DLC1: variants seen among roughly 807,000 people sequenced by gnomAD.
The protein encoded by DLC1 is rho GTPase-activating protein 7.
Under a neutral mutation model 140.3 loss-of-function variants are expected in DLC1, and 54 were observed. That is an observed-to-expected ratio of 0.38 (90% CI 0.31 to 0.48). The LOEUF is 0.48. Ranked by LOEUF, DLC1 falls within the 20% of genes least tolerant of loss-of-function variation. The pLI, the probability that DLC1 is intolerant of heterozygous loss-of-function variation, is 0.96. For missense variants in DLC1, 2,536 were observed against 1,907.0 expected, an observed-to-expected ratio of 1.33 and a Z score of -6.14; for synonymous variants, 986 against 728.1, an observed-to-expected ratio of 1.35 and a Z score of -5.70.
intron 2 of DLC1, among the ~76,000 whole-genome samples, chr8:13,443,675 AG>A (rs1585117367): frequency 6.6e-6 from 1 of 150,512 alleles, no homozygotes; most frequent in Non-Finnish European, 1.5e-5. Flanking sequence ...AAAAAAAAAA[AG>A]AAAAAGAAAA....
intron 4 of DLC1, among the ~76,000 whole-genome samples, chr8:13,330,970 A>T (rs1833562146): frequency 6.6e-6 from 1 of 152,050 alleles, no homozygotes; most frequent in South Asian, 2.1e-4. Context: ...CATGAAGAGG[A>T]AAAAAAATAA....
At chr8:13,301,412 G>C (rs1441394397) in intron 5 of DLC1, among the ~76,000 whole-genome samples, 4 of 152,312 alleles carry the variant, frequency 2.6e-5, no homozygotes, top group African/African-American at 9.6e-5. Flanking sequence ...AAGGACATCA[G>C]TGATGCAGCG....
chr8:13,471,416 A>ACAC (rs1563376366), intron 2 of DLC1, among the ~76,000 whole-genome samples: 1 of 151,544 alleles, frequency 6.6e-6, no homozygotes, highest in Non-Finnish European at 1.5e-5. Context: ...ACACTGTCAT[A>ACAC]CACCCTTGGT....
chr8:13,372,821 A>G (rs7815554), intron 4 of DLC1, among the ~76,000 whole-genome samples: 21,728 of 152,120 alleles, frequency 0.14, 1,695 homozygotes, highest in Non-Finnish European at 0.17. Context: ...ATGCAGGGAA[A>G]CAAATTTTCC....
intron 4 of DLC1, among the ~76,000 whole-genome samples, chr8:13,391,112 A>G (rs1836740310): frequency 6.6e-6 from 1 of 152,156 alleles, no homozygotes; most frequent in Non-Finnish European, 1.5e-5. Context: ...CTTTCTGGGT[A>G]CTCTTCATGG....
intron 12 of DLC1, among the ~76,000 whole-genome samples, chr8:13,093,046 A>G (rs544806808): frequency 6.6e-6 from 1 of 152,256 alleles, no homozygotes; most frequent in East Asian, 1.9e-4. Flanking sequence ...AAAATTTTTA[A>G]ACACCCACAA....
chr8:13,490,564 A>C (rs934292600), intron 2 of DLC1, among the ~76,000 whole-genome samples: 1 of 152,196 alleles, frequency 6.6e-6, no homozygotes, highest in Non-Finnish European at 1.5e-5. Context: ...ATTTATCCCA[A>C]CTTGTGTGGA....
chr8:13,490,657 T>C (rs1801192224), intron 2 of DLC1, among the ~76,000 whole-genome samples: 1 of 152,204 alleles, frequency 6.6e-6, no homozygotes, highest in Non-Finnish European at 1.5e-5. Context: ...TCATGGTTTA[T>C]AGTAACAGAA....
chr8:13,385,861 G>A (rs1231735472), intron 4 of DLC1, among the ~76,000 whole-genome samples: 1 of 152,192 alleles, frequency 6.6e-6, no homozygotes, highest in Non-Finnish European at 1.5e-5. Context: ...TTATCAATCT[G>A]TTAGCAAGAA....
rs190339005 is a variant in DLC1 at position 13,257,287 on chromosome 8, A to G, written c.1348+47982T>C. Among the ~76,000 whole-genome samples, 504 of 152,152 alleles carry G rather than the reference A, an allele frequency of 3.3e-3. 1 individual carries two copies. The highest frequency in any genetic ancestry group is 0.011 in the African/African-American group (476 of 41,504). ...CCTGTCTCTACAAAAAAGTTAAAAA[A>G]TCAGCTGAGCAAGGTGGTGCATACC... On this transcript the variant is annotated intron_variant, in intron 5 of 17. Transcript: ENST00000276297.
intron 4 of DLC1, among the ~76,000 whole-genome samples, chr8:13,382,529 A>AAAAG (rs1554509371): frequency 9.1e-6 from 1 of 109,434 alleles, no homozygotes; most frequent in African/African-American, 3.6e-5. Context: ...AAAAAAAAAA[A>AAAAG]AAAGAAAGAG....
chr8:13,380,221 G>A (rs974675011), intron 4 of DLC1, among the ~76,000 whole-genome samples: 1 of 152,172 alleles, frequency 6.6e-6, no homozygotes, highest in Non-Finnish European at 1.5e-5. Flanking sequence ...ACGAGTTAGA[G>A]TCTAGGCAAA....
chr8:13,307,224 C>A (rs185417085), intron 4 of DLC1, among the ~76,000 whole-genome samples: 40 of 152,182 alleles, frequency 2.6e-4, no homozygotes, highest in African/African-American at 9.6e-4. Flanking sequence ...ACCGTTTCTC[C>A]GCATGCTTCC....
chr8:13,579,661 C>T (rs1224257261), intron 1 of DLC1, among the ~76,000 whole-genome samples: 5 of 129,144 alleles, frequency 3.9e-5, no homozygotes, highest in African/African-American at 5.9e-5. Flanking sequence ...AAAATATATA[C>T]ACATACATAT....
At chr8:13,289,089 T>A (rs1370017393) in intron 5 of DLC1, among the ~76,000 whole-genome samples, 1 of 152,204 alleles carries the variant, frequency 6.6e-6, no homozygotes, top group Admixed American at 6.5e-5. Context: ...TCCTTTTTCC[T>A]AAGGCATTCG....
At chr8:13,112,997 T>G (rs1820243118) in intron 6 of DLC1, among the ~76,000 whole-genome samples, 1 of 152,238 alleles carries the variant, frequency 6.6e-6, no homozygotes, top group Non-Finnish European at 1.5e-5. Flanking sequence ...GTAACTATGT[T>G]ATTTTAGGAA....
At chr8:13,342,724 T>A (rs76234265) in intron 4 of DLC1, 9,627 of 153,266 alleles carry the variant, frequency 0.063, 432 homozygotes, top group African/African-American at 0.12. Context: ...CCCACAATTA[T>A]GTAAGCCAAA....
At chr8:13,250,586 C>A (rs1434460466) in intron 5 of DLC1, among the ~76,000 whole-genome samples, 5 of 151,714 alleles carry the variant, frequency 3.3e-5, no homozygotes, top group Non-Finnish European at 7.4e-5. Flanking sequence ...TTAATAATAC[C>A]AAAGCAATAA....
intron 1 of DLC1, among the ~76,000 whole-genome samples, chr8:13,590,929 A>T (rs1469452332): frequency 6.6e-6 from 1 of 152,130 alleles, no homozygotes; most frequent in East Asian, 1.9e-4. Flanking sequence ...GACAAAATCA[A>T]AATATTTTAT....
Sources: allele counts gnomAD v4.1 joint callset (sites outside exome capture counted in the v4.1 genomes callset), GRCh38; gene constraint gnomAD v4.1.1; transcripts MANE v1.5; gene names NCBI Gene and HGNC (gene_info 2026-07-23, HGNC 2026-07-21).